DOCK5: variants seen among roughly 807,000 people sequenced by gnomAD.
DOCK5 encodes the protein dedicator of cytokinesis protein 5.
Under a neutral mutation model 251.8 loss-of-function variants are expected in DOCK5, and 142 were observed. That is an observed-to-expected ratio of 0.56 (90% CI 0.49 to 0.65). The LOEUF (loss-of-function observed/expected upper bound fraction) is 0.65. Ranked by LOEUF, DOCK5 falls within the 30% of genes least tolerant of loss-of-function variation. The pLI is 0.00. For missense variants in DOCK5, 2,111 were observed against 2,312.3 expected (o/e 0.91, Z 1.79); for synonymous variants, 842 against 835.5 (o/e 1.01, Z -0.13).
intron 37 of DOCK5, chr8:25,375,865 AG>A: frequency 1.1e-6 from 1 of 950,048 alleles, no homozygotes; most frequent in Non-Finnish European, 1.3e-6. Context: ...TGGGAAGCTG[AG>A]GCCAGCAGAT....
chr8:25,246,596 A>G (rs562609197), intron 2 of DOCK5, among the ~76,000 whole-genome samples: 1 of 152,216 alleles, frequency 6.6e-6, no homozygotes, highest in East Asian at 1.9e-4. Context: ...TTCTTAAATC[A>G]GCAGATGGAT....
In DOCK5 at chr8:25,408,242, T is replaced by A. The variant is rs923460325; in HGVS notation, c.5265+88T>A. On this transcript the variant is annotated intron_variant, in intron 49 of 51. Transcript: ENST00000276440. ...GGCATATCACCATCCCCTCCCAGAT[T>A]GAAGCTGGGCTATGGCTTGTTTCAG... The A allele has an allele frequency of 8.6e-6, 12 of 1,395,554 alleles. No homozygotes were observed. In the East Asian group the frequency reaches 2.2e-4, roughly 26 times the overall value. 86.4% of individuals were successfully genotyped at this position (1,395,554 alleles called of 1,614,324 possible).
intron 28 of DOCK5, among the ~76,000 whole-genome samples, chr8:25,361,355 A>G (rs965176414): frequency 7.2e-5 from 11 of 152,198 alleles, no homozygotes; most frequent in African/African-American, 2.7e-4. Flanking sequence ...CATGCCTGTA[A>G]TCTCAGCACT....
intron 22 of DOCK5, 74 bp from the exon 23 acceptor site, chr8:25,340,803 G>T: frequency 8.5e-7 from 1 of 1,172,894 alleles, no homozygotes; most frequent in Non-Finnish European, 1.2e-6. Flanking sequence ...GAGAAGTGAG[G>T]GAGGCAACAA....
chr8:25,226,573 T>A (rs1235889414), intron 1 of DOCK5, among the ~76,000 whole-genome samples: 1 of 151,360 alleles, frequency 6.6e-6, no homozygotes, highest in African/African-American at 2.4e-5. Flanking sequence ...TTTATTTTTT[T>A]ATTTTTTTAA....
chr8:25,234,475 A>C (rs1433116107), intron 1 of DOCK5, among the ~76,000 whole-genome samples: 1 of 152,220 alleles, frequency 6.6e-6, no homozygotes, highest in Non-Finnish European at 1.5e-5. Context: ...ATTATTAAAG[A>C]CTGCAATAGT....
chr8:25,370,589 T>C (rs1800855965), intron 34 of DOCK5, among the ~76,000 whole-genome samples: 1 of 152,096 alleles, frequency 6.6e-6, no homozygotes, highest in East Asian at 1.9e-4. Context: ...ACTAAAGCCT[T>C]GAACTCCTGG....
At chr8:25,368,294 G>C (rs1800813999) in intron 32 of DOCK5, 44 bp downstream of exon 32, 1 of 1,526,316 alleles carries the variant, frequency 6.6e-7, no homozygotes, top group African/African-American at 1.4e-5. Flanking sequence ...ACCTCTGAGT[G>C]ATAAGCATCC....
Position 25,313,885 on chromosome 8 carries a change from G to C in DOCK5, c.1319-3122G>C, listed in dbSNP as rs1258966194. Among the ~76,000 whole-genome samples, 6 of 152,112 alleles carry C rather than the reference G, an allele frequency of 3.9e-5. No individual in the cohort carries two copies. The East Asian group carries it at 1.2e-3, about 29-fold the overall frequency. On this transcript the variant is annotated intron_variant, in intron 13 of 51. Transcript: ENST00000276440. ...CTATCTCCAAATACAGTCATATTCT[G>C]CGTTACTAGGGGTTGTGGCTTCAGC...
chr8:25,296,264 C>T (rs561486482), intron 6 of DOCK5, among the ~76,000 whole-genome samples: 1 of 152,314 alleles, frequency 6.6e-6, no homozygotes, highest in East Asian at 1.9e-4. Flanking sequence ...TTTTACTTTT[C>T]TCTTCAGGGT....
rs373834163 is a variant in DOCK5, at chr8:25,380,294, T to G, written c.3937-11T>G. ...TTCTCCACTTTTAACCTTACTTTCC[T>G]TTTTCTGAAGATGTGGGAGAAGGCC... On this transcript the variant is annotated splice_polypyrimidine_tract_variant and intron_variant, in intron 38 of 51. Transcript: ENST00000276440. 2.2e-5 allele frequency: 36 copies of G among 1,604,216 alleles called. No individual in the cohort carries two copies. The East Asian group carries it at 2.5e-4, about 11-fold the overall frequency.
At chr8:25,214,109 C>T (rs1330465598) in intron 1 of DOCK5, among the ~76,000 whole-genome samples, 3 of 151,996 alleles carry the variant, frequency 2.0e-5, no homozygotes, top group Non-Finnish European at 4.4e-5. Context: ...TACATTGAAC[C>T]ATCAGAAAGC....
intron 1 of DOCK5, among the ~76,000 whole-genome samples, chr8:25,228,000 T>C (rs1417533008): frequency 1.3e-5 from 2 of 151,996 alleles, no homozygotes. Context: ...TCCTCCCACC[T>C]CAGCCTCCTG....
intron 2 of DOCK5, among the ~76,000 whole-genome samples, chr8:25,249,101 G>A (rs1325774552): frequency 6.6e-6 from 1 of 152,074 alleles, no homozygotes; most frequent in African/African-American, 2.4e-5. Flanking sequence ...TGGACTCAAC[G>A]GATGCTCCTG....
At chr8:25,219,626 A>G (rs1412416258) in intron 1 of DOCK5, among the ~76,000 whole-genome samples, 1 of 152,048 alleles carries the variant, frequency 6.6e-6, no homozygotes, top group African/African-American at 2.4e-5. Flanking sequence ...CACTTCCTTG[A>G]CAGTTTGCAC....
At chr8:25,185,353 T>A (rs1406913650) in intron 1 of DOCK5, among the ~76,000 whole-genome samples, 1 of 152,198 alleles carries the variant, frequency 6.6e-6, no homozygotes, top group South Asian at 2.1e-4. Context: ...GCACATGGAC[T>A]GGTGCTCATT....
intron 1 of DOCK5, among the ~76,000 whole-genome samples, chr8:25,236,706 G>C (rs2117531577): frequency 6.6e-6 from 1 of 152,054 alleles, no homozygotes; most frequent in South Asian, 2.1e-4. Context: ...TCAGCCTTCT[G>C]AGTAGCTGGG....
chr8:25,307,181 G>A (rs1028498107), intron 11 of DOCK5, among the ~76,000 whole-genome samples: 11 of 151,508 alleles, frequency 7.3e-5, no homozygotes, highest in African/African-American at 1.7e-4. Context: ...ATGCAGTGGC[G>A]TGATCTCCGC....
In DOCK5 at chr8:25,366,911, C is replaced by T. The variant is rs746243953; in HGVS notation, c.3165C>T (p.Thr1055=). The change falls in exon 31 of 52, where the codon ACC becomes ACT. Residue 1055 remains threonine (T), a synonymous_variant. Coordinates refer to ENST00000276440, the MANE Select transcript of DOCK5 (RefSeq NM_024940.8). ...TCCATTTGGCAGTTGCATTTCTCAC[C>T]CATGAGTCCCTTCAGCTTGAAACCT... is the stretch of plus-strand genomic sequence containing the variant. ...NYFHLAVAFL[T]HESLQLETFS... is the part of the protein sequence containing the mutation. 7 of 1,613,872 alleles carry T rather than the reference C, an allele frequency of 4.3e-6. No individual in the cohort carries two copies. The highest frequency in any genetic ancestry group is 5.9e-6 in the Non-Finnish European group (7 of 1,179,818).
Sources: allele counts gnomAD v4.1 joint callset (sites outside exome capture counted in the v4.1 genomes callset), GRCh38; gene constraint gnomAD v4.1.1; transcripts MANE v1.5; gene names NCBI Gene and HGNC (gene_info 2026-07-23, HGNC 2026-07-21).